SPATA31H1: variants seen among roughly 807,000 people sequenced by gnomAD.
SPATA31H1 encodes the protein spermatogenesis-associated protein 31H1.
the SPATA31H1 span, among the ~76,000 whole-genome samples, chr2:27,546,753 G>A: frequency 1.3e-5 from 2 of 151,830 alleles, no homozygotes; most frequent in African/African-American, 4.9e-5. Flanking sequence ...GTCTGGTCTC[G>A]AACTCCTCAG....
chr2:27,572,001 G>C, the SPATA31H1 span: 1 of 398,342 alleles, frequency 2.5e-6, no homozygotes, highest in Non-Finnish European at 4.4e-6. Context: ...TGTGAATTTT[G>C]AGCAAGTAAA....
At chr2:27,578,192 T>C in the SPATA31H1 span, 1 of 1,614,020 alleles carries the variant, frequency 6.2e-7, no homozygotes, top group Non-Finnish European at 8.5e-7. Flanking sequence ...TAGAATATAT[T>C]GAGTTGACTC....
At chr2:27,569,027 G>A in the SPATA31H1 span, 3 of 398,796 alleles carry the variant, frequency 7.5e-6, no homozygotes, top group African/African-American at 2.1e-5. Context: ...AATCTATTGG[G>A]TTGACACAAC....
chr2:27,578,397 G>C, the SPATA31H1 span: 1 of 1,614,132 alleles, frequency 6.2e-7, no homozygotes, highest in East Asian at 2.2e-5. Flanking sequence ...GTTAGCACCA[G>C]GACCAATTCC....
chr2:27,573,174 C>A, the SPATA31H1 span: 2 of 397,966 alleles, frequency 5.0e-6, no homozygotes, highest in Non-Finnish European at 8.9e-6. Flanking sequence ...AGGTGCAAAA[C>A]CTGTGGAGTT....
At chr2:27,571,092 A>G in the SPATA31H1 span, 25 of 398,300 alleles carry the variant, frequency 6.3e-5, no homozygotes, top group African/African-American at 4.5e-4. Flanking sequence ...GCTAGAAGAT[A>G]TGACATCTGC....
chr2:27,571,687 C>T, the SPATA31H1 span: 2 of 398,400 alleles, frequency 5.0e-6, no homozygotes, highest in African/African-American at 2.1e-5. Context: ...GAACTGACCT[C>T]AGTCCCACAA....
chr2:27,570,920 C>A, the SPATA31H1 span: 1 of 398,822 alleles, frequency 2.5e-6, no homozygotes, highest in Non-Finnish European at 4.4e-6. Flanking sequence ...CACAGTTGCC[C>A]AGTGTAAATC....
At chr2:27,544,904 C>G in the SPATA31H1 span, among the ~76,000 whole-genome samples, 108 of 151,842 alleles carry the variant, frequency 7.1e-4, 2 homozygotes, top group East Asian at 0.019. Flanking sequence ...AATTTGGGGA[C>G]CCAGCGTATA....
the SPATA31H1 span, chr2:27,566,154 G>C: frequency 8.4e-6 from 6 of 716,872 alleles, no homozygotes; most frequent in Non-Finnish European, 1.6e-5. Flanking sequence ...AAAGTTAGAC[G>C]TAAAGTACCT....
the SPATA31H1 span, chr2:27,581,302 C>A: frequency 6.2e-7 from 1 of 1,614,116 alleles, no homozygotes; most frequent in Non-Finnish European, 8.5e-7. Flanking sequence ...CAACGCAGTT[C>A]CTTGGAGAGA....
At chr2:27,573,063 C>A in the SPATA31H1 span, 1 of 395,364 alleles carries the variant, frequency 2.5e-6, no homozygotes, top group Non-Finnish European at 4.4e-6. Flanking sequence ...AGGGTTGAAT[C>A]TTGGTTCACA....
chr2:27,540,228 G>A, the SPATA31H1 span, among the ~76,000 whole-genome samples: 43 of 78,052 alleles, frequency 5.5e-4, no homozygotes, highest in African/African-American at 8.4e-4. Context: ...GGGCAGAGGC[G>A]CCCCTCACCT....
chr2:27,549,663 T>C, the SPATA31H1 span, among the ~76,000 whole-genome samples: 1 of 151,562 alleles, frequency 6.6e-6, no homozygotes, highest in Non-Finnish European at 1.5e-5. Flanking sequence ...TACAAAAAAT[T>C]AGTCTGGCAT....
At chr2:27,550,021 T>C in the SPATA31H1 span, among the ~76,000 whole-genome samples, 1 of 151,964 alleles carries the variant, frequency 6.6e-6, no homozygotes, top group African/African-American at 2.4e-5. Context: ...AAATTGACTT[T>C]CTACCTAGAG....
At chr2:27,568,284 G>C in the SPATA31H1 span, 2 of 398,980 alleles carry the variant, frequency 5.0e-6, no homozygotes, top group African/African-American at 2.1e-5. Context: ...GCCACAACAT[G>C]CAGTTACGGA....
At chr2:27,568,371 G>A in the SPATA31H1 span, 3 of 398,848 alleles carry the variant, frequency 7.5e-6, no homozygotes. Flanking sequence ...ACAAAGTCAA[G>A]TCATGGAACA....
chr2:27,553,461 T>C, the SPATA31H1 span, among the ~76,000 whole-genome samples: 1 of 152,220 alleles, frequency 6.6e-6, no homozygotes, highest in Middle Eastern at 3.4e-3. Flanking sequence ...GTCACACCTT[T>C]AGTGTTCTCT....
the SPATA31H1 span, among the ~76,000 whole-genome samples, chr2:27,551,534 C>A: frequency 6.6e-5 from 10 of 152,086 alleles, no homozygotes; most frequent in Middle Eastern, 3.4e-3. Context: ...ATTGTCAGGG[C>A]TTACAAATCA....
Sources: gnomAD v4.1 joint callset for allele counts (sites outside exome capture counted in the v4.1 genomes callset) on GRCh38, gnomAD v4.1.1 for gene constraint, MANE v1.5 for transcripts, NCBI Gene and HGNC (gene_info 2026-07-23, HGNC 2026-07-21) for gene names.